The following PAX5 variants were observed in gnomAD, a reference collection of about 807,000 sequenced individuals.
PAX5 encodes paired box 5, also known as paired box protein Pax-5.
A neutral mutation model predicts 43.7 loss-of-function variants in PAX5; 9 were observed. That is an observed-to-expected ratio of 0.21 (90% confidence interval 0.12 to 0.36). The LOEUF (loss-of-function observed/expected upper bound fraction) is 0.36, where lower values mean the gene tolerates loss of function less well. Among genes scored for constraint, PAX5 ranks in the 10% least tolerant of loss-of-function variants. PAX5 has a pLI of 1.00. For missense variants in PAX5, 383 were observed against 532.7 expected (o/e 0.72, Z 2.77); for synonymous variants, 228 against 214.3 (o/e 1.06, Z -0.56).
intron 7 of PAX5, among the ~76,000 whole-genome samples, chr9:36,891,365 C>T (rs76247510): frequency 0.01 from 1,553 of 152,306 alleles, 13 homozygotes; most frequent in Non-Finnish European, 0.017. Flanking sequence ...ATACCCAGGA[C>T]GTGGGGCGGG....
At chr9:36,964,726 G>A (rs546432308) in intron 6 of PAX5, among the ~76,000 whole-genome samples, 60 of 152,208 alleles carry the variant, frequency 3.9e-4, no homozygotes, top group Non-Finnish European at 6.3e-4. Context: ...GCCTTCTGCC[G>A]TCTCTCAGAA....
intron 6 of PAX5, among the ~76,000 whole-genome samples, chr9:36,935,230 A>T (rs1302241723): frequency 6.6e-6 from 1 of 151,944 alleles, no homozygotes; most frequent in Non-Finnish European, 1.5e-5. Flanking sequence ...AAAATACAAA[A>T]TTAGCCGGGC....
intron 5 of PAX5, among the ~76,000 whole-genome samples, chr9:36,998,188 A>T (rs952231142): frequency 6.6e-6 from 1 of 152,204 alleles, no homozygotes; most frequent in Non-Finnish European, 1.5e-5. Flanking sequence ...GAGGCCACAG[A>T]GATCTTACCT....
chr9:36,867,150 T>C (rs968536100), intron 8 of PAX5, among the ~76,000 whole-genome samples: 6 of 152,050 alleles, frequency 3.9e-5, no homozygotes, highest in African/African-American at 1.2e-4. Flanking sequence ...GGCTCGTTCC[T>C]GGGGAGTTCT....
intron 8 of PAX5, among the ~76,000 whole-genome samples, chr9:36,857,240 A>G (rs924231859): frequency 6.6e-6 from 1 of 152,204 alleles, no homozygotes; most frequent in Non-Finnish European, 1.5e-5. Context: ...AAAGTTCTTC[A>G]CTGTCCTCCT....
At chr9:36,870,504 T>C (rs986020487) in intron 8 of PAX5, among the ~76,000 whole-genome samples, 6 of 152,256 alleles carry the variant, frequency 3.9e-5, no homozygotes, top group Non-Finnish European at 7.3e-5. Flanking sequence ...TTTTTAAATG[T>C]AATGAAATTT....
At chr9:36,966,434 T>C (rs951257265) in intron 6 of PAX5, 115 bp downstream of exon 6, 7 of 1,135,302 alleles carry the variant, frequency 6.2e-6, no homozygotes, top group Non-Finnish European at 8.8e-6. Flanking sequence ...GAGACCTCTC[T>C]GAGCAGAACC....
At chr9:36,911,381 G>A (rs1829275521) in intron 7 of PAX5, among the ~76,000 whole-genome samples, 1 of 150,952 alleles carries the variant, frequency 6.6e-6, no homozygotes, top group Non-Finnish European at 1.5e-5. Context: ...GGCTAGTCTC[G>A]AACTCCTGGG....
At chr9:36,939,395 C>T (rs929216539) in intron 6 of PAX5, among the ~76,000 whole-genome samples, 5 of 152,104 alleles carry the variant, frequency 3.3e-5, no homozygotes, top group Non-Finnish European at 5.9e-5. Context: ...AACCACCAGA[C>T]CCTGGGTAGG....
intron 9 of PAX5, among the ~76,000 whole-genome samples, chr9:36,843,040 A>C (rs1822210623): frequency 1.3e-5 from 2 of 150,906 alleles, no homozygotes; most frequent in Non-Finnish European, 3.0e-5. Flanking sequence ...GTATGTGTGC[A>C]TGTGTGTGTG....
intron 7 of PAX5, among the ~76,000 whole-genome samples, chr9:36,914,637 T>C (rs1829582577): frequency 6.6e-6 from 1 of 152,240 alleles, no homozygotes; most frequent in Non-Finnish European, 1.5e-5. Context: ...CAGACCTACA[T>C]TCTTAATGAA....
chr9:36,998,180 G>A (rs957290152), intron 5 of PAX5, among the ~76,000 whole-genome samples: 4 of 152,156 alleles, frequency 2.6e-5, no homozygotes, highest in African/African-American at 9.7e-5. Context: ...TTCCTCCAGA[G>A]GCCACAGAGA....
At position 36,865,289 on chromosome 9, in the gene PAX5, A is replaced by G. The variant is rs186766289; in HGVS notation, c.1012+16715T>C. Among the ~76,000 whole-genome samples the G allele has an allele frequency of 1.2e-3, 180 of 152,076 alleles. 1 individual carries two copies. Among genetic ancestry groups the G allele is most frequent in the African/African-American group, 4.1e-3 (171 of 41,492 alleles). ...AACCCTCAGCTTCTGAGCTCCCCAC[A>G]CCTTGCCCTCTTGTCCCCCAGTAGT... On this transcript the variant is annotated intron_variant, in intron 8 of 9. Coordinates refer to ENST00000358127, the MANE Select transcript of PAX5 (RefSeq NM_016734.3).
At position 37,034,221 on chromosome 9, in the gene PAX5, T is replaced by G; in HGVS notation, c.-190A>C. ...ATCACTGAGCTGAAACTAAACGTTT[T>G]AGGTGGAAAAAAAGCGTCCGAAGGC... On this transcript the variant is annotated 5_prime_UTR_variant, in exon 1 of 10. Transcript: ENST00000358127. 1.7e-6 allele frequency: 1 copy of G among 581,158 alleles called. No individual in the cohort carries two copies. The highest frequency in any genetic ancestry group is 3.0e-6 in the Non-Finnish European group (1 of 331,996). 36.0% of individuals were successfully genotyped at this position (581,158 alleles called of 1,614,324 possible). A position where few individuals can be genotyped will look rare whatever the true frequency, so the allele number is the denominator to read the frequency against.
chr9:37,005,976 A>G (rs963936384), intron 4 of PAX5, among the ~76,000 whole-genome samples: 19 of 152,232 alleles, frequency 1.2e-4, no homozygotes, highest in Non-Finnish European at 2.2e-4. Context: ...TTGACAGTTC[A>G]TAGAGTTCAT....
rs76700460 is a variant in PAX5, at chr9:36,981,194, C to G, written c.605-14470G>C. Among the ~76,000 whole-genome samples, 299 of 140,772 alleles carry G rather than the reference C, an allele frequency of 2.1e-3. 6 individuals are homozygous for G. The East Asian group carries it at 0.03, about 14-fold the overall frequency. The allele number at this position is 140,772 out of a possible 152,430, so 92.4% of individuals were successfully genotyped here. A position where few individuals can be genotyped will look rare whatever the true frequency, so the allele number is the denominator to read the frequency against. ...CTCCAAAAACAGCAAAGCCCCCCCCCCCTCAGCCCTGCTTCATTCCCTGTC... is the reference window on the plus strand; with the variant it reads ...CTCCAAAAACAGCAAAGCCCCCCCCGCCTCAGCCCTGCTTCATTCCCTGTC... On this transcript the variant is annotated intron_variant, in intron 5 of 9. Coordinates refer to ENST00000358127, the MANE Select transcript of PAX5 (RefSeq NM_016734.3).
chr9:37,031,357 A>T (rs191745743), intron 1 of PAX5, among the ~76,000 whole-genome samples: 36 of 152,152 alleles, frequency 2.4e-4, no homozygotes, highest in Non-Finnish European at 4.6e-4. Context: ...AGGCTCTGTG[A>T]GATGAAGCTT....
chr9:37,011,273 T>G (rs1247686846), intron 3 of PAX5, among the ~76,000 whole-genome samples: 2 of 152,114 alleles, frequency 1.3e-5, no homozygotes, highest in African/African-American at 4.8e-5. Context: ...GCCTGCACAG[T>G]ATATTTGTTT....
At chr9:36,979,692 C>T (rs1267040121) in intron 5 of PAX5, among the ~76,000 whole-genome samples, 2 of 152,148 alleles carry the variant, frequency 1.3e-5, no homozygotes, top group East Asian at 3.8e-4. Context: ...GACTGAGAGC[C>T]CTGGTGTCTC....
Sources: gnomAD v4.1 joint callset for allele counts (sites outside exome capture counted in the v4.1 genomes callset) on GRCh38, gnomAD v4.1.1 for gene constraint, MANE v1.5 for transcripts, NCBI Gene and HGNC (gene_info 2026-07-23, HGNC 2026-07-21) for gene names.